DOCK4: variants seen among roughly 807,000 people sequenced by gnomAD.
DOCK4 encodes the protein dedicator of cytokinesis protein 4.
Under a neutral mutation model 268.1 loss-of-function variants are expected in DOCK4, and 97 were observed. That is an observed-to-expected ratio of 0.36 (90% confidence interval 0.31 to 0.43). The LOEUF (loss-of-function observed/expected upper bound fraction) is 0.43, where lower values mean the gene tolerates loss of function less well. Ranked by LOEUF, DOCK4 falls within the 20% of genes least tolerant of loss-of-function variation. The pLI, the probability that DOCK4 is intolerant of heterozygous loss-of-function variation, is 1.00. For synonymous variants in DOCK4, 954 were observed against 887.2 expected (o/e 1.08, Z -1.34); for missense variants, 2,145 against 2,455.7 (o/e 0.87, Z 2.67).
intron 2 of DOCK4, among the ~76,000 whole-genome samples, chr7:112,003,586 T>A (rs1800616575): frequency 6.6e-6 from 1 of 152,196 alleles, no homozygotes; most frequent in African/African-American, 2.4e-5. Context: ...TCAAGTGCAT[T>A]GAATAATTTT....
At chr7:111,853,784 C>T (rs77905500) in intron 23 of DOCK4, among the ~76,000 whole-genome samples, 2,062 of 152,270 alleles carry the variant, frequency 0.014, 37 homozygotes, top group African/African-American at 0.045. Flanking sequence ...GTTACGCCAC[C>T]TCCTGGCCTG....
At chr7:111,834,724 A>T (rs777224429) in intron 25 of DOCK4, 38 bp from the exon 26 acceptor site, 1 of 1,393,574 alleles carries the variant, frequency 7.2e-7, no homozygotes, top group South Asian at 1.4e-5. Context: ...TTTTATTTTT[A>T]GTAAGGACGT....
At chr7:111,907,877 C>T (rs143575534) in intron 13 of DOCK4, among the ~76,000 whole-genome samples, 14,751 of 152,012 alleles carry the variant, frequency 0.097, 854 homozygotes, top group Non-Finnish European at 0.13. Flanking sequence ...TGCAGGCGCA[C>T]GCCACCATGC....
chr7:112,091,750 A>C (rs1809652159), intron 1 of DOCK4, among the ~76,000 whole-genome samples: 1 of 152,164 alleles, frequency 6.6e-6, no homozygotes, highest in Non-Finnish European at 1.5e-5. Flanking sequence ...TGATGCCCCT[A>C]GTTAATACTG....
intron 1 of DOCK4, among the ~76,000 whole-genome samples, chr7:112,200,748 A>AAAAAC (rs1256761419): frequency 2.0e-5 from 3 of 150,620 alleles, no homozygotes; most frequent in Non-Finnish European, 4.4e-5. Flanking sequence ...ACAAAAAAAA[A>AAAAAC]CAAGATCATA....
At chr7:112,009,762 T>C (rs1018648944) in intron 1 of DOCK4, among the ~76,000 whole-genome samples, 1 of 152,108 alleles carries the variant, frequency 6.6e-6, no homozygotes, top group Non-Finnish European at 1.5e-5. Context: ...TCGATAAGAT[T>C]TGGAAAAAAC....
intron 1 of DOCK4, among the ~76,000 whole-genome samples, chr7:112,161,232 GA>G (rs915682139): frequency 1.3e-4 from 20 of 151,386 alleles, no homozygotes; most frequent in East Asian, 5.8e-4. Flanking sequence ...AAAAGGTTGA[GA>G]AAAAAAAAGT....
At chr7:112,009,650 C>T (rs1801133166) in intron 1 of DOCK4, among the ~76,000 whole-genome samples, 2 of 151,762 alleles carry the variant, frequency 1.3e-5, no homozygotes, top group Non-Finnish European at 1.5e-5. Context: ...TCGGCTCTGG[C>T]GTGTCATGGA....
chr7:111,773,931 C>T (rs989199509), intron 36 of DOCK4, among the ~76,000 whole-genome samples: 2 of 151,650 alleles, frequency 1.3e-5, no homozygotes, highest in South Asian at 2.1e-4. Flanking sequence ...GTGGGAGGAT[C>T]GCTTGGGCTT....
intron 30 of DOCK4, chr7:111,801,860 T>G (rs1377786324): frequency 6.7e-6 from 1 of 150,206 alleles, no homozygotes; most frequent in South Asian, 2.1e-4. Flanking sequence ...GGGCTAATTT[T>G]TTTTTTTTTT....
intron 13 of DOCK4, among the ~76,000 whole-genome samples, chr7:111,911,233 T>C (rs1310493664): frequency 6.6e-6 from 1 of 152,152 alleles, no homozygotes; most frequent in Non-Finnish European, 1.5e-5. Flanking sequence ...CAGTGTAACA[T>C]TGGGATCAGA....
chr7:112,141,634 T>C (rs1814939807), intron 1 of DOCK4, among the ~76,000 whole-genome samples: 1 of 152,212 alleles, frequency 6.6e-6, no homozygotes, highest in African/African-American at 2.4e-5. Context: ...AGGTTCTATT[T>C]CTCTGGAGAA....
At chr7:111,908,252 T>C (rs1791763829) in intron 13 of DOCK4, among the ~76,000 whole-genome samples, 1 of 151,756 alleles carries the variant, frequency 6.6e-6, no homozygotes, top group South Asian at 2.1e-4. Context: ...ATCGAGACTA[T>C]CTTGGCTAAC....
chr7:111,783,641 C>CA (rs1405657996), intron 34 of DOCK4, among the ~76,000 whole-genome samples: 1 of 151,002 alleles, frequency 6.6e-6, no homozygotes, highest in Non-Finnish European at 1.5e-5. Flanking sequence ...AAAGAACTAT[C>CA]AAAAAACAAA....
chr7:111,757,104 A>C (rs1056080555), intron 41 of DOCK4, among the ~76,000 whole-genome samples: 7 of 151,950 alleles, frequency 4.6e-5, no homozygotes, highest in African/African-American at 1.7e-4. Flanking sequence ...GGAAGAGAGA[A>C]GCTGAGTGTC....
chr7:111,769,013 C>A (rs1402820417), intron 37 of DOCK4, among the ~76,000 whole-genome samples: 1 of 152,138 alleles, frequency 6.6e-6, no homozygotes, highest in African/African-American at 2.4e-5. Flanking sequence ...AGAGAGTTAG[C>A]CAGCCCCTTT....
chr7:112,106,082 G>A (rs1383269326), intron 1 of DOCK4, among the ~76,000 whole-genome samples: 1 of 152,222 alleles, frequency 6.6e-6, no homozygotes, highest in African/African-American at 2.4e-5. Context: ...TGTGGCTTGT[G>A]GCAAGAGAAG....
intron 12 of DOCK4, among the ~76,000 whole-genome samples, chr7:111,927,957 C>A (rs1348094317): frequency 2.0e-5 from 3 of 152,198 alleles, no homozygotes; most frequent in Non-Finnish European, 4.4e-5. Flanking sequence ...CCTGAATAAA[C>A]AGGCCTTCCT....
At chr7:112,158,240 C>T (rs952455135) in intron 1 of DOCK4, among the ~76,000 whole-genome samples, 1 of 152,146 alleles carries the variant, frequency 6.6e-6, no homozygotes, top group Non-Finnish European at 1.5e-5. Flanking sequence ...TAGGGTGATG[C>T]CCAAGTTTCT....
Sources: gnomAD v4.1 joint callset for allele counts (sites outside exome capture counted in the v4.1 genomes callset) on GRCh38, gnomAD v4.1.1 for gene constraint, MANE v1.5 for transcripts, NCBI Gene and HGNC (gene_info 2026-07-23, HGNC 2026-07-21) for gene names.